Variants in NRXN3 observed in about 807,000 individuals in gnomAD.
NRXN3 encodes the protein neurexin 3, also known as neurexin III.
Under a neutral mutation model 137.6 loss-of-function variants are expected in NRXN3, and 32 were observed. That is an observed-to-expected ratio of 0.23 (90% confidence interval 0.18 to 0.31). The LOEUF is 0.31. Among genes scored for constraint, NRXN3 ranks in the 10% least tolerant of loss-of-function variants. The probability of loss-of-function intolerance (pLI) is 1.00; values close to 1 mark genes in which losing one functional copy is unlikely to be tolerated. For missense variants in NRXN3, 1,574 were observed against 2,062.5 expected (o/e 0.76, Z 4.59); for synonymous variants, 798 against 784.5 (o/e 1.02, Z -0.29).
At chr14:79,529,681 T>G (rs1381335002) in intron 16 of NRXN3, among the ~76,000 whole-genome samples, 1 of 152,256 alleles carries the variant, frequency 6.6e-6, no homozygotes, top group East Asian at 1.9e-4. Context: ...ATTTAGACTT[T>G]ACTAGAAAAA....
Position 78,870,688 on chromosome 14 carries a change from C to A in NRXN3, c.2275+60344C>A, listed in dbSNP as rs553134439. On this transcript the variant is annotated intron_variant, in intron 10 of 20. Transcript: ENST00000335750. ...TCCCCCTTTTTATGTTCCCCTCCCC[C>A]ACTACCCATCCCAGTCTCTGGTAGC... Among the ~76,000 whole-genome samples the A allele has an allele frequency of 1.4e-4, 22 of 152,052 alleles. No homozygotes were observed. In the South Asian group the frequency reaches 4.4e-3, roughly 30 times the overall value.
At chr14:78,968,099 A>C in intron 13 of NRXN3, 74 bp from the exon 14 acceptor site, 1 of 457,102 alleles carries the variant, frequency 2.2e-6, no homozygotes. Flanking sequence ...GAATTATCTC[A>C]AGTGTATCAA....
chr14:78,213,604 A>G (rs2062958755), intron 1 of NRXN3, among the ~76,000 whole-genome samples: 1 of 152,178 alleles, frequency 6.6e-6, no homozygotes, highest in Admixed American at 6.5e-5. Flanking sequence ...GAGTACTCCA[A>G]TGTGCTTGGT....
rs995625935 is a variant in NRXN3 at position 79,799,471 on chromosome 14, A to C, written c.4015-5641A>C. 7.2e-5 allele frequency among the ~76,000 whole-genome samples: 11 copies of C among 152,302 alleles called. 1 individual carries two copies. Among genetic ancestry groups the C allele is most frequent in the Middle Eastern group, 6.8e-3 (2 of 294 alleles). On this transcript the variant is annotated intron_variant, in intron 19 of 20. Coordinates refer to ENST00000335750, the MANE Select transcript of NRXN3 (RefSeq NM_001330195.2). The stretch of plus-strand genomic sequence containing the variant: ...GTGAGATGCAGGGAGTGGAGAAAGG[A>C]GAGAAGTCTGATAGGGCAGGACATG...
intron 15 of NRXN3, among the ~76,000 whole-genome samples, chr14:79,146,073 G>A (rs761370944): frequency 5.9e-5 from 9 of 152,028 alleles, no homozygotes; most frequent in South Asian, 2.1e-4. Flanking sequence ...AATTTATTGC[G>A]CTTTTATTGT....
At chr14:78,225,972 T>TGTGTGTGTG (rs1555412776) in intron 1 of NRXN3, among the ~76,000 whole-genome samples, 2 of 114,186 alleles carry the variant, frequency 1.8e-5, no homozygotes, top group Non-Finnish European at 3.5e-5. Context: ...TGTGTGTGTG[T>TGTGTGTGTG]TGGTGTGTGT....
intron 4 of NRXN3, among the ~76,000 whole-genome samples, chr14:78,476,016 A>T (rs75023476): frequency 0.082 from 12,419 of 152,238 alleles, 726 homozygotes; most frequent in East Asian, 0.31. Flanking sequence ...TGTCAGTAAG[A>T]AGAATAAAGC....
chr14:78,876,709 C>T (rs1327591918), intron 10 of NRXN3, among the ~76,000 whole-genome samples: 1 of 152,128 alleles, frequency 6.6e-6, no homozygotes, highest in Non-Finnish European at 1.5e-5. Context: ...GTGATCCCAC[C>T]TAACTTATTT....
chr14:79,086,658 G>T (rs1244985645), intron 15 of NRXN3, among the ~76,000 whole-genome samples: 1 of 152,084 alleles, frequency 6.6e-6, no homozygotes, highest in African/African-American at 2.4e-5. Flanking sequence ...TACGTCGAAG[G>T]CTTTTCCTTA....
At chr14:78,179,419 A>AT (rs2059577354) in intron 1 of NRXN3, among the ~76,000 whole-genome samples, 1 of 152,246 alleles carries the variant, frequency 6.6e-6, no homozygotes, top group South Asian at 2.1e-4. Flanking sequence ...GACTGTGTTT[A>AT]TTTTTTCCAA....
At chr14:78,932,882 C>G (rs556299482) in intron 10 of NRXN3, among the ~76,000 whole-genome samples, 1 of 152,130 alleles carries the variant, frequency 6.6e-6, no homozygotes, top group African/African-American at 2.4e-5. Flanking sequence ...ATCCAGGGTA[C>G]CTTCTATGTC....
At chr14:79,202,750 T>C (rs1185326954) in intron 15 of NRXN3, among the ~76,000 whole-genome samples, 2 of 152,198 alleles carry the variant, frequency 1.3e-5, no homozygotes, top group South Asian at 2.1e-4. Flanking sequence ...ATCATATATA[T>C]ATACCACAGT....
chr14:78,413,249 A>G (rs2092935492), intron 4 of NRXN3, among the ~76,000 whole-genome samples: 1 of 152,196 alleles, frequency 6.6e-6, no homozygotes, highest in Admixed American at 6.5e-5. Flanking sequence ...GACTTGTGAC[A>G]CAGAGTTTGC....
chr14:78,573,627 C>T (rs1288178004), intron 4 of NRXN3, among the ~76,000 whole-genome samples: 1 of 152,150 alleles, frequency 6.6e-6, no homozygotes, highest in Non-Finnish European at 1.5e-5. Flanking sequence ...TTCTAAGCAG[C>T]AAATCATTCA....
At chr14:78,765,898 A>C (rs2098707458) in intron 8 of NRXN3, among the ~76,000 whole-genome samples, 1 of 152,038 alleles carries the variant, frequency 6.6e-6, no homozygotes, top group South Asian at 2.1e-4. Context: ...TTGCTAGTTG[A>C]GGTGTTCTTT....
At chr14:79,346,744 C>A (rs952186553) in intron 15 of NRXN3, among the ~76,000 whole-genome samples, 1 of 152,116 alleles carries the variant, frequency 6.6e-6, no homozygotes, top group Non-Finnish European at 1.5e-5. Flanking sequence ...TCCTCGTTAT[C>A]CAGGGTTCAC....
intron 4 of NRXN3, among the ~76,000 whole-genome samples, chr14:78,533,505 C>T (rs764239877): frequency 2.6e-5 from 4 of 152,142 alleles, no homozygotes; most frequent in Admixed American, 6.5e-5. Context: ...AGGCTGTCCA[C>T]GATCCATCTC....
intron 4 of NRXN3, among the ~76,000 whole-genome samples, chr14:78,364,167 C>T (rs2085548336): frequency 1.3e-5 from 2 of 152,228 alleles, no homozygotes; most frequent in Admixed American, 6.5e-5. Context: ...TGCCTCAGGA[C>T]AAATCAAAGA....
intron 19 of NRXN3, among the ~76,000 whole-genome samples, chr14:79,770,072 A>T (rs1423755523): frequency 2.0e-5 from 3 of 151,852 alleles, no homozygotes; most frequent in African/African-American, 7.3e-5. Flanking sequence ...AAGAAGAGCT[A>T]ACTATCCTAA....
Sources: gnomAD v4.1 joint callset for allele counts (sites outside exome capture counted in the v4.1 genomes callset) on GRCh38, gnomAD v4.1.1 for gene constraint, MANE v1.5 for transcripts, NCBI Gene and HGNC (gene_info 2026-07-23, HGNC 2026-07-21) for gene names.